ZNF566: variants seen among roughly 807,000 people sequenced by gnomAD.
The protein encoded by ZNF566 is zinc finger protein 566.
In ZNF566, 27 loss-of-function variants were observed where a neutral mutation model predicts 32.8. The ratio of observed to expected loss-of-function variants is 0.82; its 90% CI spans 0.61 to 1.14. ZNF566 has a LOEUF of 1.14. Ranked by LOEUF, ZNF566 falls within the 50% of genes most tolerant of loss-of-function variation. The pLI is 0.00. For synonymous variants in ZNF566, 154 were observed against 159.5 expected (o/e 0.97, Z 0.26); for missense variants, 402 against 490.4 (o/e 0.82, Z 1.70).
At chr19:36,471,445 C>A (rs900055741) in intron 4 of ZNF566, among the ~76,000 whole-genome samples, 12 of 152,058 alleles carry the variant, frequency 7.9e-5, no homozygotes, top group African/African-American at 2.7e-4. Flanking sequence ...TCAAACACAG[C>A]CAACGCACAG....
chr19:36,466,547 A>G (rs953527432), intron 4 of ZNF566, among the ~76,000 whole-genome samples: 10 of 152,326 alleles, frequency 6.6e-5, no homozygotes, highest in South Asian at 6.2e-4. Context: ...TTCATGTAAG[A>G]TTCAAATATA....
intron 4 of ZNF566, among the ~76,000 whole-genome samples, chr19:36,464,269 AGAG>A (rs1373269153): frequency 6.6e-6 from 1 of 152,174 alleles, no homozygotes; most frequent in Non-Finnish European, 1.5e-5. Context: ...AATATATGAC[AGAG>A]GAGCATTGTT....
chr19:36,449,557 G>A lies in ZNF566; in HGVS notation c.677C>T (p.Pro226Leu). The change falls in exon 5 of 5, where the codon CCC becomes CTC. Residue 226 changes from proline (P) to leucine (L), a missense_variant. Physicochemically the swap from Pro to Leu is moderately conservative, Grantham distance 98. This residue lies in a region of ZNF566 where 135 missense variants were observed against 210.0 expected (regional missense o/e 0.64). Coordinates refer to ENST00000452939, the MANE Select transcript of ZNF566 (RefSeq NM_001145344.1). Reference sequence around the variant, plus strand: ...TTTTCCACATTCCTTACATTCAAAGGGTTTCTTGCCAGTATGAATTTTCTG... The same window carrying A: ...TTTTCCACATTCCTTACATTCAAAGAGTTTCTTGCCAGTATGAATTTTCTG... ...HHQKIHTGKKPFECKECGKTF... is the reference protein window; with the variant it reads ...HHQKIHTGKKLFECKECGKTF... The A allele has an allele frequency of 6.2e-7, 1 of 1,614,084 alleles. No individual in the cohort carries two copies. Among genetic ancestry groups the A allele is most frequent in the Non-Finnish European group, 8.5e-7 (1 of 1,180,008 alleles).
intron 1 of ZNF566, among the ~76,000 whole-genome samples, chr19:36,479,854 T>C (rs190458812): frequency 6.6e-6 from 1 of 152,140 alleles, no homozygotes; most frequent in Non-Finnish European, 1.5e-5. Flanking sequence ...TTTTAGTTGT[T>C]TTTTTGTTTT....
intron 1 of ZNF566, among the ~76,000 whole-genome samples, chr19:36,483,825 C>CA (rs941013541): frequency 2.0e-5 from 3 of 150,412 alleles, no homozygotes; most frequent in Middle Eastern, 3.5e-3. Flanking sequence ...AATTTATAGA[C>CA]AAAAAAAAGG....
Position 36,476,539 on chromosome 19 carries a change from A to C in ZNF566, c.9+10T>G, listed in dbSNP as rs1337950395. The C allele has an allele frequency of 1.2e-6, 2 of 1,612,106 alleles. No homozygotes were observed. The highest frequency in any genetic ancestry group is 2.7e-5 in the African/African-American group (2 of 74,900). On this transcript the variant is annotated intron_variant, in intron 2 of 4. Coordinates refer to ENST00000452939, the MANE Select transcript of ZNF566 (RefSeq NM_001145344.1). ...TCACTCTATCTGAGCAAAAGGAAAC[A>C]GTATCTCACCTGAGCCATGGCTCTG...
chr19:36,455,347 CA>C (rs1355197980), intron 4 of ZNF566, among the ~76,000 whole-genome samples: 1 of 151,968 alleles, frequency 6.6e-6, no homozygotes, highest in African/African-American at 2.4e-5. Context: ...AACATAGTAC[CA>C]AAAGTCCTTT....
chr19:36,472,893 C>T lies in ZNF566; in HGVS notation c.232+18G>A. On this transcript the variant is annotated intron_variant, in intron 4 of 4. Coordinates refer to ENST00000452939, the MANE Select transcript of ZNF566 (RefSeq NM_001145344.1). ...CTCTACCAGCCAAATCACGCATTAC[C>T]TGCTGTGCCTCACTTACCTGGCCAC... 6.2e-7 allele frequency: 1 copy of T among 1,600,666 alleles called. No individual in the cohort carries two copies. Among genetic ancestry groups the T allele is most frequent in the South Asian group, 1.1e-5 (1 of 89,612 alleles).
chr19:36,486,289 T>C (rs1480823521), intron 1 of ZNF566, among the ~76,000 whole-genome samples: 1 of 152,216 alleles, frequency 6.6e-6, no homozygotes, highest in East Asian at 1.9e-4. Flanking sequence ...AAAAGTCTTC[T>C]ATCAGCATAA....
At chr19:36,474,372 G>A (rs1011407525) in intron 2 of ZNF566, among the ~76,000 whole-genome samples, 2 of 152,134 alleles carry the variant, frequency 1.3e-5, no homozygotes, top group African/African-American at 2.4e-5. Flanking sequence ...GCAAATGAGG[G>A]GGGAAGCAAT....
rs1189194046 is a variant in ZNF566, at chr19:36,448,304, C to A, written c.*673G>T. On this transcript the variant is annotated 3_prime_UTR_variant, in exon 5 of 5. Coordinates refer to ENST00000452939, the MANE Select transcript of ZNF566 (RefSeq NM_001145344.1). ...ACTTGTATTTTGGCATGTATTATGGCAAAATATCTAGAGGAGACTACGATA... is the reference window on the plus strand; with the variant it reads ...ACTTGTATTTTGGCATGTATTATGGAAAAATATCTAGAGGAGACTACGATA... 1.3e-5 allele frequency: 2 copies of A among 151,966 alleles called. No homozygotes were observed. Among genetic ancestry groups the A allele is most frequent in the African/African-American group, 4.8e-5 (2 of 41,400 alleles). The allele number at this position is 151,966 out of a possible 1,614,324, so 9.4% of individuals were successfully genotyped here. A position where few individuals can be genotyped will look rare whatever the true frequency, so the allele number is the denominator to read the frequency against.
At chr19:36,467,671 A>G (rs2033652134) in intron 4 of ZNF566, among the ~76,000 whole-genome samples, 1 of 149,978 alleles carries the variant, frequency 6.7e-6, no homozygotes, top group African/African-American at 2.5e-5. Context: ...CGTGCTTGTA[A>G]TTCCAGGTAC....
chr19:36,484,790 C>T (rs915487420), intron 1 of ZNF566, among the ~76,000 whole-genome samples: 2 of 151,804 alleles, frequency 1.3e-5, no homozygotes, highest in Admixed American at 6.6e-5. Flanking sequence ...GGGGTTTCAC[C>T]GTGTTAGCCA....
At chr19:36,460,305 T>C (rs2033429410) in intron 4 of ZNF566, among the ~76,000 whole-genome samples, 1 of 152,190 alleles carries the variant, frequency 6.6e-6, no homozygotes, top group African/African-American at 2.4e-5. Flanking sequence ...TTAAAAATGC[T>C]TGAATAAGGA....
chr19:36,460,560 G>T (rs2033435999), intron 4 of ZNF566, among the ~76,000 whole-genome samples: 1 of 152,066 alleles, frequency 6.6e-6, no homozygotes, highest in East Asian at 1.9e-4. Context: ...ATAGCCTCTG[G>T]GAATGTAGAA....
intron 4 of ZNF566, among the ~76,000 whole-genome samples, chr19:36,471,439 ACACAGCCAACG>A (rs1162618251): frequency 6.6e-6 from 1 of 151,872 alleles, no homozygotes; most frequent in Non-Finnish European, 1.5e-5. Context: ...TGCTCCTCAA[ACACAGCCAACG>A]CACAGCTGCC....
rs1426937768 is a variant in ZNF566 at position 36,478,617 on chromosome 19, A to T, written c.-59-2001T>A. On this transcript the variant is annotated intron_variant, in intron 1 of 4. Transcript: ENST00000452939. Reference sequence around the variant, plus strand: ...TTTTAAATTCAGCCCTCATTAATGTAAAAAAAAAAAAAAAAAAGTCTCACG... The same window carrying T: ...TTTTAAATTCAGCCCTCATTAATGTTAAAAAAAAAAAAAAAAAGTCTCACG... 4.6e-4 allele frequency among the ~76,000 whole-genome samples: 13 copies of T among 28,124 alleles called. No homozygotes were observed. The East Asian group carries it at 4.9e-3, about 11-fold the overall frequency. The allele number at this position is 28,124 out of a possible 152,430, so 18.5% of individuals were successfully genotyped here. A position where few individuals can be genotyped will look rare whatever the true frequency, so the allele number is the denominator to read the frequency against.
At chr19:36,478,064 A>C (rs1225848662) in intron 1 of ZNF566, among the ~76,000 whole-genome samples, 1 of 152,116 alleles carries the variant, frequency 6.6e-6, no homozygotes, top group Non-Finnish European at 1.5e-5. Context: ...TCATTAAACA[A>C]TTCATCAATT....
At chr19:36,463,537 C>CTTTTTTTTTTT (rs56787323) in intron 4 of ZNF566, among the ~76,000 whole-genome samples, 1 of 106,290 alleles carries the variant, frequency 9.4e-6, no homozygotes. Context: ...AATGTAATTT[C>CTTTTTTTTTTT]TTTTTTTTTT....
Sources: gnomAD v4.1 joint callset for allele counts (sites outside exome capture counted in the v4.1 genomes callset) on GRCh38, gnomAD v4.1.1 for gene constraint, gnomAD v4.1.1 regional missense constraint, MANE v1.5 for transcripts, NCBI Gene and HGNC (gene_info 2026-07-23, HGNC 2026-07-21) for gene names.